UNC13D: variants seen among roughly 807,000 people sequenced by gnomAD.
UNC13D encodes unc-13 homolog D.
UNC13D carries 115 observed loss-of-function variants against 151.7 expected under a neutral mutation model. The observed-to-expected ratio is 0.76, with a 90% confidence interval of 0.65 to 0.88. The LOEUF is 0.88. Ranked by LOEUF, UNC13D falls within the 40% of genes least tolerant of loss-of-function variation. The probability of loss-of-function intolerance (pLI) is 0.00; values close to 1 mark genes in which losing one functional copy is unlikely to be tolerated. For synonymous variants in UNC13D, 588 were observed against 612.2 expected (o/e 0.96, Z 0.58); for missense variants, 1,369 against 1,438.7 (o/e 0.95, Z 0.78).
intron 31 of UNC13D, among the ~76,000 whole-genome samples, chr17:75,828,325 A>G (rs1391451570): frequency 6.6e-6 from 1 of 152,214 alleles, no homozygotes; most frequent in African/African-American, 2.4e-5. Flanking sequence ...CGAGGGGCTG[A>G]GATGTGCCTG....
chr17:75,828,685 C>T, intron 31 of UNC13D, 102 bp downstream of exon 31: 1 of 1,319,670 alleles, frequency 7.6e-7, no homozygotes, highest in African/African-American at 1.5e-5. Flanking sequence ...CTCCCGTCTC[C>T]AGGGAAGCTG....
At chr17:75,838,104 A>C (rs891476357) in intron 12 of UNC13D, among the ~76,000 whole-genome samples, 2 of 152,176 alleles carry the variant, frequency 1.3e-5, no homozygotes, top group East Asian at 3.9e-4. Context: ...CCCAGCCCAG[A>C]AATGCACTCC....
At chr17:75,842,707 G>C (rs922114085) in intron 5 of UNC13D, 94 bp from the exon 6 acceptor site, 3 of 1,600,812 alleles carry the variant, frequency 1.9e-6, no homozygotes, top group South Asian at 1.1e-5. Flanking sequence ...AGCCTCCTCC[G>C]GGGGAGAGGG....
At position 75,827,734 on chromosome 17, in the gene UNC13D, G is replaced by C. The variant is rs1438684192; in HGVS notation, c.*231C>G. ...CCCCCTGGTGCTGGGATGTGGTAGA[G>C]ACATTGCAGCCAGGGCTGGAGGCAG... On this transcript the variant is annotated 3_prime_UTR_variant, in exon 32 of 32. Transcript: ENST00000207549. The C allele has an allele frequency of 6.7e-7, 1 of 1,498,812 alleles. No homozygotes were observed. Among genetic ancestry groups the C allele is most frequent in the Admixed American group, 2.1e-5 (1 of 48,012 alleles). The allele number at this position is 1,498,812 out of a possible 1,614,324, so 92.8% of individuals were successfully genotyped here.
intron 30 of UNC13D, 70 bp from the exon 31 acceptor site, chr17:75,829,053 C>T: frequency 1.3e-6 from 2 of 1,551,240 alleles, no homozygotes; most frequent in African/African-American, 1.3e-5. Flanking sequence ...ATGGGTTCAC[C>T]CACTTGGTGT....
At chr17:75,838,697 C>T (rs978431851) in intron 12 of UNC13D, among the ~76,000 whole-genome samples, 8 of 152,276 alleles carry the variant, frequency 5.3e-5, no homozygotes, top group Admixed American at 2.6e-4. Flanking sequence ...GGTTAGGGAC[C>T]GGGTCCAAAT....
At position 75,840,320 on chromosome 17, in the gene UNC13D, A is replaced by G; in HGVS notation, c.763T>C (p.Cys255Arg). The change falls in exon 10 of 32, where the codon TGC becomes CGC. Residue 255 changes from cysteine (C) to arginine (R), a missense_variant. Cys to Arg is a radical substitution (Grantham distance 180). Around this residue, in one of 3 missense-constraint regions of UNC13D, gnomAD observed 550 missense variants for 609.0 expected, o/e 0.90. Transcript: ENST00000207549. The surrounding 1 kb of genome is among the most constrained non-coding windows in gnomAD (Gnocchi z 4.6). ...NVVLRLQDLR[C>R]REDQWYPLEP... ...AGGGGGTACCACTGGTCCTCTCGGCAGCGCAGGTCCTGACAGGCGGGGATG... is the reference window on the plus strand; with the variant it reads ...AGGGGGTACCACTGGTCCTCTCGGCGGCGCAGGTCCTGACAGGCGGGGATG... The G allele has an allele frequency of 1.2e-6, 2 of 1,613,730 alleles. No homozygotes were observed. Among genetic ancestry groups the G allele is most frequent in the Non-Finnish European group, 8.5e-7 (1 of 1,180,004 alleles).
At chr17:75,839,110 A>AG (rs1188470395) in intron 12 of UNC13D, among the ~76,000 whole-genome samples, 1 of 151,576 alleles carries the variant, frequency 6.6e-6, no homozygotes, top group Non-Finnish European at 1.5e-5. Context: ...AAAAAAAAAA[A>AG]GCAGCAAAAT....
Position 75,832,987 on chromosome 17 carries a change from A to C in UNC13D, c.2426T>G (p.Leu809Trp). ...AGACCTGCTGAAGTTCTCCTGCACC[A>C]AGTTGGTGTTCATGTAGCAAAGCTC... is the stretch of plus-strand genomic sequence containing the variant. ...EVELCYMNTN[L>W]VQENFSSLLT... Residue 809 changes from leucine to tryptophan, a missense_variant, in exon 25 of 32, where the codon TTG (leucine) becomes TGG (tryptophan). Leu to Trp is a moderately conservative substitution (Grantham distance 61, BLOSUM62 -2). Coordinates refer to ENST00000207549, the MANE Select transcript of UNC13D (RefSeq NM_199242.3). The surrounding 1 kb of genome is among the most constrained non-coding windows in gnomAD (Gnocchi z 4.3). The C allele has an allele frequency of 6.3e-7, 1 of 1,595,888 alleles. No individual in the cohort carries two copies.
chr17:75,832,936 A>G lies in UNC13D; in HGVS notation c.2447+30T>C, dbSNP rs968148084. 6.4e-7 allele frequency: 1 copy of G among 1,557,202 alleles called. No homozygotes were observed. Among genetic ancestry groups the G allele is most frequent in the Non-Finnish European group, 8.7e-7 (1 of 1,148,120 alleles). On this transcript the variant is annotated intron_variant, in intron 25 of 31. Coordinates refer to ENST00000207549, the MANE Select transcript of UNC13D (RefSeq NM_199242.3). This position sits in a 1 kb window ranked among gnomAD's most constrained non-coding sequence, Gnocchi z 4.3. ...CGTGGGAGGAGAGGGGGAGGTGGCG[A>G]GCGCGCCCAGGGCAGGGGCTGCTAC...
chr17:75,832,713 C>A lies in UNC13D; in HGVS notation c.2447+253G>T. 1 of 434,636 alleles carries A rather than the reference C, an allele frequency of 2.3e-6. No individual in the cohort carries two copies. The allele number at this position is 434,636 out of a possible 1,614,324, so 26.9% of individuals were successfully genotyped here. A position where few individuals can be genotyped will look rare whatever the true frequency, so the allele number is the denominator to read the frequency against. ...GAGGCCTGAGAAGTGGCAAGCTCCC[C>A]GTCCCTGCAGCGAGCCTTAGCAGAG... is the stretch of plus-strand genomic sequence containing the variant. On this transcript the variant is annotated intron_variant, in intron 25 of 31. Coordinates refer to ENST00000207549, the MANE Select transcript of UNC13D (RefSeq NM_199242.3). This position sits in a 1 kb window ranked among gnomAD's most constrained non-coding sequence, Gnocchi z 4.3.
chr17:75,835,603 T>C (rs761068413), intron 19 of UNC13D, 44 bp downstream of exon 19: 211 of 1,612,288 alleles, frequency 1.3e-4, no homozygotes, highest in Non-Finnish European at 1.7e-4. Flanking sequence ...CACCCTCCCC[T>C]CCCCTGTGCC....
Position 75,833,956 on chromosome 17 carries a change from G to A in UNC13D, c.2367+119C>T. The A allele has an allele frequency of 7.7e-7, 1 of 1,306,694 alleles. No homozygotes were observed. The highest frequency in any genetic ancestry group is 1.1e-6 in the Non-Finnish European group (1 of 914,672). 80.9% of individuals were successfully genotyped at this position (1,306,694 alleles called of 1,614,324 possible). A position where few individuals can be genotyped will look rare whatever the true frequency, so the allele number is the denominator to read the frequency against. The stretch of plus-strand genomic sequence containing the variant: ...CATCCCAGGAGGAAACTGAGGCCCA[G>A]GGAGAGAACATGCTTTGCCTGGTCT... On this transcript the variant is annotated intron_variant, in intron 24 of 31. Coordinates refer to ENST00000207549, the MANE Select transcript of UNC13D (RefSeq NM_199242.3). The surrounding 1 kb of genome is among the most constrained non-coding windows in gnomAD (Gnocchi z 4.0).
chr17:75,841,280 G>T (rs1451787449), intron 6 of UNC13D: 2 of 417,692 alleles, frequency 4.8e-6, no homozygotes, highest in East Asian at 9.5e-5. Context: ...AAGTAGCTGG[G>T]ATTACAGGTG....
At chr17:75,842,976 G>A (rs753338990) in intron 4 of UNC13D, 38 bp downstream of exon 4, 3 of 1,612,842 alleles carry the variant, frequency 1.9e-6, no homozygotes, top group Non-Finnish European at 2.5e-6. Context: ...GGCTTCCCAG[G>A]CCCCTCCTTG....
At chr17:75,836,767 GC>G in intron 13 of UNC13D, 33 bp downstream of exon 13, 1 of 1,613,580 alleles carries the variant, frequency 6.2e-7, no homozygotes, top group East Asian at 2.2e-5. Context: ...CCTGAGCCCT[GC>G]CTGCTCAGTG....
intron 19 of UNC13D, 25 bp from the exon 20 acceptor site, chr17:75,835,554 C>T (rs375145127): frequency 1.8e-5 from 29 of 1,600,882 alleles, no homozygotes; most frequent in Admixed American, 1.4e-4. Flanking sequence ...GGCTCAGCGT[C>T]GGGAAGGCTG....
intron 1 of UNC13D, chr17:75,843,819 CCAG>C: frequency 7.3e-7 from 1 of 1,377,946 alleles, no homozygotes; most frequent in Non-Finnish European, 9.4e-7. Context: ...TGCTCCTCAC[CCAG>C]CAGCGGAAGT....
rs772899988 is a variant in UNC13D at position 75,836,055 on chromosome 17, C to T, written c.1501G>A (p.Asp501Asn). 1.1e-5 allele frequency: 18 copies of T among 1,613,788 alleles called. No homozygotes were observed. The highest frequency in any genetic ancestry group is 7.7e-5 in the South Asian group (7 of 91,088). The change falls in exon 17 of 32, where the codon GAC becomes AAC. Residue 501 changes from aspartate (D) to asparagine (N), a missense_variant. Around this residue, in one of 3 missense-constraint regions of UNC13D, gnomAD observed 807 missense variants for 795.5 expected, o/e 1.01. Coordinates refer to ENST00000207549, the MANE Select transcript of UNC13D (RefSeq NM_199242.3). ...LLGLVQDVIG[D>N]LHQCQRTWDK... ...CATGTGCGCTGGCACTGGTGCAGGTCGCCAATGACATCCTGTACCAGGCCC... is the reference window on the plus strand; with the variant it reads ...CATGTGCGCTGGCACTGGTGCAGGTTGCCAATGACATCCTGTACCAGGCCC...
Sources: allele counts gnomAD v4.1 joint callset (sites outside exome capture counted in the v4.1 genomes callset), GRCh38; gene constraint gnomAD v4.1.1; regional missense constraint gnomAD v4.1.1; non-coding constraint Gnocchi (gnomAD v3.1); transcripts MANE v1.5; gene names NCBI Gene and HGNC (gene_info 2026-07-23, HGNC 2026-07-21).